Variants in EIF3A observed in about 807,000 individuals in gnomAD.
The protein encoded by EIF3A is eukaryotic translation initiation factor 3 subunit A.
Under a neutral mutation model 186.6 loss-of-function variants are expected in EIF3A, and 21 were observed. The ratio of observed to expected loss-of-function variants is 0.11; its 90% CI spans 0.08 to 0.16. The LOEUF (loss-of-function observed/expected upper bound fraction) is 0.16, where lower values mean the gene tolerates loss of function less well. Among genes scored for constraint, EIF3A ranks in the 10% least tolerant of loss-of-function variants. The pLI is 1.00. For synonymous variants in EIF3A, 563 were observed against 584.3 expected (o/e 0.96, Z 0.52); for missense variants, 1,306 against 1,796.3 (o/e 0.73, Z 4.93).
intron 12 of EIF3A, 57 bp from the exon 13 acceptor site, chr10:119,057,097 A>G: frequency 1.1e-6 from 1 of 939,996 alleles, no homozygotes; most frequent in Non-Finnish European, 1.7e-6. Context: ...AATGCCTAAC[A>G]TAACTCACTG....
chr10:119,049,597 C>T (rs540201544), intron 17 of EIF3A, among the ~76,000 whole-genome samples: 6 of 150,968 alleles, frequency 4.0e-5, no homozygotes, highest in Non-Finnish European at 7.4e-5. Flanking sequence ...ATCACAATTA[C>T]AAAAATCAGC....
intron 7 of EIF3A, among the ~76,000 whole-genome samples, chr10:119,064,817 C>T (rs1045679000): frequency 1.3e-5 from 2 of 152,192 alleles, no homozygotes; most frequent in Non-Finnish European, 2.9e-5. Context: ...CAGCGATTCT[C>T]CTGACTCAGC....
chr10:119,050,586 C>T lies in EIF3A; in HGVS notation c.2408G>A (p.Arg803Lys), dbSNP rs77382849. 6,268 of 1,613,984 alleles carry T rather than the reference C, an allele frequency of 3.9e-3. 133 individuals carry two copies. In the East Asian group the frequency reaches 0.059, roughly 15 times the overall value. The change falls in exon 16 of 22, where the codon AGG becomes AAG. Residue 803 changes from arginine to lysine, a missense_variant. By Grantham distance (26) the Arg-to-Lys change is conservative. This residue lies in a region of EIF3A where 410 missense variants were observed against 473.5 expected (regional missense o/e 0.87). Coordinates refer to ENST00000369144, the MANE Select transcript of EIF3A (RefSeq NM_003750.4). Reference protein sequence around the residue: ...ERKRQRKEERRITYYREKEEE... With the variant: ...ERKRQRKEERKITYYREKEEE... Reference sequence around the variant, plus strand: ...TTCTTTTTCTCTATAGTATGTTATCCTGCGTTCTTCTTTACGCTGCCTTTT... The same window carrying T: ...TTCTTTTTCTCTATAGTATGTTATCTTGCGTTCTTCTTTACGCTGCCTTTT...
intron 7 of EIF3A, 74 bp from the exon 8 acceptor site, chr10:119,061,402 G>C: frequency 1.6e-6 from 1 of 629,168 alleles, no homozygotes. Flanking sequence ...TAGTATAAAT[G>C]ATAGCATTGG....
At chr10:119,071,695 T>G (rs959876929) in intron 4 of EIF3A, among the ~76,000 whole-genome samples, 1 of 152,172 alleles carries the variant, frequency 6.6e-6, no homozygotes, top group Non-Finnish European at 1.5e-5. Context: ...AATATTTGTA[T>G]CAACAGCTAT....
At chr10:119,076,135 A>G (rs1844168290) in intron 1 of EIF3A, among the ~76,000 whole-genome samples, 1 of 150,144 alleles carries the variant, frequency 6.7e-6, no homozygotes, top group African/African-American at 2.4e-5. Flanking sequence ...GATCGAGACC[A>G]TCCTGGCTAA....
intron 1 of EIF3A, among the ~76,000 whole-genome samples, chr10:119,075,645 TATATAC>T (rs1844155416): frequency 3.5e-5 from 1 of 28,330 alleles, no homozygotes; most frequent in Admixed American, 5.3e-4. Flanking sequence ...AAACACTATA[TATATAC>T]ATATATATAT....
chr10:119,042,018 G>A lies in EIF3A; in HGVS notation c.3502C>T (p.Pro1168Ser), dbSNP rs1253666293. Residue 1168 changes from proline (P) to serine (S), a missense_variant, in exon 19 of 22, where the codon CCT becomes TCT. Coordinates refer to ENST00000369144, the MANE Select transcript of EIF3A (RefSeq NM_003750.4). The surrounding 1 kb of genome is among the most constrained non-coding windows in gnomAD (Gnocchi z 7.8). ...PRRGDDSRPG[P>S]WRPLVKPGGW... ...CCTGGCTTGACTAATGGTCTCCAAG[G>A]ACCAGGTCTTGAGTCATCACCCCGT... The A allele has an allele frequency of 9.9e-6, 16 of 1,614,138 alleles. No individual in the cohort carries two copies. The highest frequency in any genetic ancestry group is 2.2e-5 in the East Asian group (1 of 44,888).
chr10:119,076,710 G>A (rs577996792), intron 1 of EIF3A, among the ~76,000 whole-genome samples: 2 of 152,096 alleles, frequency 1.3e-5, no homozygotes, highest in Admixed American at 1.3e-4. Flanking sequence ...GGGAGGCCAA[G>A]GCATCACTTG....
intron 6 of EIF3A, among the ~76,000 whole-genome samples, chr10:119,068,879 A>G (rs1475321598): frequency 6.8e-6 from 1 of 146,238 alleles, no homozygotes; most frequent in Non-Finnish European, 1.5e-5. Context: ...AGACTGAGCC[A>G]GGAGAATCGC....
chr10:119,049,391 A>C (rs1213300996), intron 17 of EIF3A, among the ~76,000 whole-genome samples: 1 of 151,098 alleles, frequency 6.6e-6, no homozygotes, highest in Non-Finnish European at 1.5e-5. Context: ...GGAAGACTGA[A>C]GCAAGAGAAT....
chr10:119,080,653 C>A lies in EIF3A; in HGVS notation c.24G>T (p.Pro8=). 6.3e-7 allele frequency: 1 copy of A among 1,596,548 alleles called. No individual in the cohort carries two copies. Residue 8 remains proline, a synonymous_variant, in exon 1 of 22, where the codon CCG becomes CCT. Transcript: ENST00000369144. MPAYFQR[P]ENALKRANEF... ...CGTTGGCGCGTTTGAGGGCATTTTC[C>A]GGCCTCTGAAAATAGGCCGGCATCT... is the stretch of plus-strand genomic sequence containing the variant.
Position 119,079,378 on chromosome 10 carries a change from C to T in EIF3A, c.49+1250G>A, listed in dbSNP as rs115413275. ...CATATCTCTGGTTCTGCCAAATTAT[C>T]AGTTTATGTGCTGACTCAAACTGCC... On this transcript the variant is annotated intron_variant, in intron 1 of 21. Transcript: ENST00000369144. 5.7e-3 allele frequency among the ~76,000 whole-genome samples: 861 copies of T among 152,288 alleles called. 9 individuals carry two copies. Among genetic ancestry groups the T allele is most frequent in the African/African-American group, 0.019 (781 of 41,546 alleles).
At chr10:119,046,172 C>G (rs975528259) in intron 17 of EIF3A, among the ~76,000 whole-genome samples, 2 of 152,056 alleles carry the variant, frequency 1.3e-5, no homozygotes, top group African/African-American at 4.8e-5. Flanking sequence ...CTTCCTTTAC[C>G]GCAAGAATAG....
At chr10:119,043,551 G>C in intron 18 of EIF3A, among the ~76,000 whole-genome samples, 1 of 152,096 alleles carries the variant, frequency 6.6e-6, no homozygotes, top group East Asian at 1.9e-4. Context: ...GGAGGTTGAG[G>C]CTGTAGTGAG....
At chr10:119,077,826 T>C (rs1463724657) in intron 1 of EIF3A, among the ~76,000 whole-genome samples, 1 of 152,166 alleles carries the variant, frequency 6.6e-6, no homozygotes, top group African/African-American at 2.4e-5. Flanking sequence ...GTGCTGGGAT[T>C]ACAGGCATGA....
chr10:119,042,606 G>A lies in EIF3A; in HGVS notation c.2914C>T (p.Pro972Ser). The A allele has an allele frequency of 6.2e-7, 1 of 1,613,812 alleles. No individual in the cohort carries two copies. The highest frequency in any genetic ancestry group is 8.5e-7 in the Non-Finnish European group (1 of 1,179,942). The change falls in exon 19 of 22, where the codon CCT becomes TCT. Residue 972 changes from proline to serine, a missense_variant. Pro to Ser is a moderately conservative substitution (Grantham distance 74). Coordinates refer to ENST00000369144, the MANE Select transcript of EIF3A (RefSeq NM_003750.4). The surrounding 1 kb of genome is among the most constrained non-coding windows in gnomAD (Gnocchi z 7.8). ...CGACGAGAGAACCTATCTTCCTCAG[G>A]ACCACGTCTAGGGCCTCTGTCATCA... ...MDDDRGPRRG[P>S]EEDRFSRRGA...
At position 119,050,565 on chromosome 10, in the gene EIF3A, T is replaced by C; in HGVS notation, c.2429A>G (p.Lys810Arg). 1 of 1,614,170 alleles carries C rather than the reference T, an allele frequency of 6.2e-7. No homozygotes were observed. The highest frequency in any genetic ancestry group is 1.1e-5 in the South Asian group (1 of 91,082). Residue 810 changes from lysine (K) to arginine (R), a missense_variant, in exon 16 of 22, where the codon AAA becomes AGA. By Grantham distance (26) the Lys-to-Arg change is conservative (BLOSUM62 2). Around this residue, in one of 8 missense-constraint regions of EIF3A, gnomAD observed 410 missense variants for 473.5 expected, o/e 0.87. Coordinates refer to ENST00000369144, the MANE Select transcript of EIF3A (RefSeq NM_003750.4). ...EERRITYYREKEEEEQRRAEE... is the reference protein window; with the variant it reads ...EERRITYYREREEEEQRRAEE... ...TGCCCTTCTCTGCTCCTCCTCTTCT[T>C]TTTCTCTATAGTATGTTATCCTGCG...
At chr10:119,038,546 A>G in intron 19 of EIF3A, 107 bp from the exon 20 acceptor site, 4 of 872,938 alleles carry the variant, frequency 4.6e-6, no homozygotes, top group East Asian at 2.4e-5. Context: ...TCTAAATGCT[A>G]ATTTAAGACA....
Sources: gnomAD v4.1 joint callset for allele counts (sites outside exome capture counted in the v4.1 genomes callset) on GRCh38, gnomAD v4.1.1 for gene constraint, gnomAD v4.1.1 regional missense constraint, Gnocchi (gnomAD v3.1) non-coding constraint, MANE v1.5 for transcripts, NCBI Gene and HGNC (gene_info 2026-07-23, HGNC 2026-07-21) for gene names.